Variants in PRR5 observed in about 807,000 individuals in gnomAD.
PRR5 encodes the protein proline rich 5.
Under a neutral mutation model 30.6 loss-of-function variants are expected in PRR5, and 25 were observed. The observed-to-expected ratio is 0.82, with a 90% CI of 0.60 to 1.14. The LOEUF (loss-of-function observed/expected upper bound fraction) is 1.14, where lower values mean the gene tolerates loss of function less well. Ranked by LOEUF, PRR5 falls within the 50% of genes most tolerant of loss-of-function variation. PRR5 has a pLI of 0.00. For synonymous variants in PRR5, 286 were observed against 247.1 expected (o/e 1.16, Z -1.48); for missense variants, 600 against 547.1 (o/e 1.10, Z -0.96).
rs201790517 is a variant in PRR5 at position 44,732,223 on chromosome 22, G to A, written c.415-28G>A. On this transcript the variant is annotated intron_variant, in intron 5 of 7. Transcript: ENST00000336985. Reference sequence around the variant, plus strand: ...GATGAGGACGCATGTGACCACAGCCGGTGGGGTGGGGTGCCTTCCGTCCAC... The same window carrying A: ...GATGAGGACGCATGTGACCACAGCCAGTGGGGTGGGGTGCCTTCCGTCCAC... 244 of 1,607,072 alleles carry A rather than the reference G, an allele frequency of 1.5e-4. 2 individuals are homozygous for A. Among genetic ancestry groups the A allele is most frequent in the Admixed American group, 4.5e-4 (27 of 59,936 alleles).
chr22:44,709,498 C>G lies in PRR5; in HGVS notation c.135-5093C>G, dbSNP rs1012309268. Among the ~76,000 whole-genome samples, 15 of 152,202 alleles carry G rather than the reference C, an allele frequency of 9.9e-5. No individual in the cohort carries two copies. In the East Asian group the frequency reaches 2.5e-3, roughly 26 times the overall value. On this transcript the variant is annotated intron_variant, in intron 1 of 7. Coordinates refer to ENST00000336985, the MANE Select transcript of PRR5 (RefSeq NM_181333.4). ...AGGCGGGGACAGGTATTTCTCCCCC[C>G]GCCCGAGCCTCCAGAAGGAACGGCC...
chr22:44,713,534 G>GA (rs1399597530), intron 1 of PRR5, among the ~76,000 whole-genome samples: 1 of 152,086 alleles, frequency 6.6e-6, no homozygotes, highest in African/African-American at 2.4e-5. Context: ...CACCTGGCCT[G>GA]GTTTTGGTTT....
chr22:44,683,815 C>T (rs1924500115), intron 1 of PRR5, among the ~76,000 whole-genome samples: 1 of 152,218 alleles, frequency 6.6e-6, no homozygotes, highest in African/African-American at 2.4e-5. Flanking sequence ...AGATGAGAAG[C>T]CTACTCGCGA....
chr22:44,714,695 C>A, intron 2 of PRR5, 24 bp downstream of exon 2: 1 of 1,613,194 alleles, frequency 6.2e-7, no homozygotes, highest in South Asian at 1.1e-5. Flanking sequence ...CCACCTTGGT[C>A]CAGGGTCCTT....
intron 1 of PRR5, among the ~76,000 whole-genome samples, chr22:44,712,694 T>C (rs915273921): frequency 6.6e-6 from 1 of 152,144 alleles, no homozygotes; most frequent in African/African-American, 2.4e-5. Context: ...AGCTGCCTGC[T>C]TTGTGGTGTG....
At chr22:44,731,987 C>A (rs1204954732) in intron 5 of PRR5, among the ~76,000 whole-genome samples, 166 bp downstream of exon 5, 1 of 152,224 alleles carries the variant, frequency 6.6e-6, no homozygotes, top group Non-Finnish European at 1.5e-5. Context: ...TCCACCCCTT[C>A]AAGCTGCAGA....
chr22:44,714,392 C>T (rs1398848682), intron 1 of PRR5, among the ~76,000 whole-genome samples, 199 bp from the exon 2 acceptor site: 3 of 152,148 alleles, frequency 2.0e-5, no homozygotes, highest in Non-Finnish European at 4.4e-5. Context: ...GACCAGAGGG[C>T]ATCTGGTGAT....
chr22:44,729,424 G>C, intron 4 of PRR5: 1 of 985,272 alleles, frequency 1.0e-6, no homozygotes, highest in Non-Finnish European at 1.2e-6. Flanking sequence ...AGGCTACTGC[G>C]GGGCCGCTCG....
In PRR5 at chr22:44,684,446, C is replaced by G. The variant is rs576568962; in HGVS notation, c.-11+7206C>G. On this transcript the variant is annotated intron_variant, in intron 1 of 8. Transcript: ENST00000006251. ...TGAGTAGTTCCAGCTACTCAGGAGG[C>G]TGAAGCAGGAAAATCACTTGAACCT... Among the ~76,000 whole-genome samples, 3 of 152,270 alleles carry G rather than the reference C, an allele frequency of 2.0e-5. No individual in the cohort carries two copies. In the East Asian group the frequency reaches 5.8e-4, roughly 29 times the overall value.
At chr22:44,674,968 G>T (rs1923643130), upstream of PRR5, among the ~76,000 whole-genome samples, 1 of 140,520 alleles carries the variant, frequency 7.1e-6, no homozygotes, top group Non-Finnish European at 1.5e-5. Context: ...AAAGAAAGAG[G>T]CTGGGCGCGG....
At chr22:44,714,493 G>T (rs1928748061) in intron 1 of PRR5, 98 bp from the exon 2 acceptor site, 2 of 1,501,014 alleles carry the variant, frequency 1.3e-6, no homozygotes, top group South Asian at 2.4e-5. Flanking sequence ...TGGCTATCCT[G>T]CCCTTCTAGG....
chr22:44,704,807 C>G (rs184311444), intron 1 of PRR5, among the ~76,000 whole-genome samples: 1 of 151,992 alleles, frequency 6.6e-6, no homozygotes, highest in East Asian at 1.9e-4. Context: ...GCAGAGCCTG[C>G]GCCCCAGCTC....
chr22:44,706,327 A>G (rs1386623276), intron 1 of PRR5, among the ~76,000 whole-genome samples: 1 of 152,182 alleles, frequency 6.6e-6, no homozygotes, highest in African/African-American at 2.4e-5. Flanking sequence ...TGCTCAGGGC[A>G]TAGATTCAGC....
chr22:44,722,639 C>T (rs774285960), intron 2 of PRR5, among the ~76,000 whole-genome samples: 1 of 152,228 alleles, frequency 6.6e-6, no homozygotes, highest in Non-Finnish European at 1.5e-5. Flanking sequence ...CCAAAAGGGC[C>T]TCTGAGGACT....
intron 1 of PRR5, among the ~76,000 whole-genome samples, chr22:44,687,823 G>T (rs1358238130): frequency 6.6e-6 from 1 of 152,084 alleles, no homozygotes; most frequent in Non-Finnish European, 1.5e-5. Flanking sequence ...CGCCCAGGCT[G>T]GAGTGCATTG....
intron 1 of PRR5, among the ~76,000 whole-genome samples, chr22:44,687,406 G>T (rs1924845692): frequency 2.0e-5 from 3 of 152,074 alleles, no homozygotes; most frequent in Non-Finnish European, 4.4e-5. Flanking sequence ...CACAGGCCTG[G>T]GGCCACTTTC....
At position 44,725,247 on chromosome 22, in the gene PRR5, G is replaced by A; in HGVS notation, c.219G>A (p.Gln73=). The A allele has an allele frequency of 1.2e-6, 2 of 1,613,910 alleles. No individual in the cohort carries two copies. The highest frequency in any genetic ancestry group is 1.7e-6 in the Non-Finnish European group (2 of 1,179,972). Residue 73 remains glutamine (Q), a synonymous_variant, in exon 3 of 8, where the codon CAG becomes CAA. Coordinates refer to ENST00000336985, the MANE Select transcript of PRR5 (RefSeq NM_181333.4). ...TTGTCTCACCTCCCACCCACAGGCAGCTGTTGAAGACAGAGCTGGGGTCCT... is the reference window on the plus strand; with the variant it reads ...TTGTCTCACCTCCCACCCACAGGCAACTGTTGAAGACAGAGCTGGGGTCCT... ...ELFSLNEGVR[Q]LLKTELGSFF...
chr22:44,733,582 G>T (rs556217734), intron 6 of PRR5, among the ~76,000 whole-genome samples: 6 of 152,264 alleles, frequency 3.9e-5, no homozygotes, highest in African/African-American at 1.4e-4. Flanking sequence ...CTGGGTTGAA[G>T]CGGGGACCCT....
At chr22:44,718,205 T>TG (rs1929398707) in intron 2 of PRR5, among the ~76,000 whole-genome samples, 6 of 145,122 alleles carry the variant, frequency 4.1e-5, no homozygotes, top group Admixed American at 2.1e-4. Context: ...TTTTTTTTTT[T>TG]TTTTTTTGAG....
Sources: allele counts gnomAD v4.1 joint callset (sites outside exome capture counted in the v4.1 genomes callset), GRCh38; gene constraint gnomAD v4.1.1; transcripts MANE v1.5; gene names NCBI Gene and HGNC (gene_info 2026-07-23, HGNC 2026-07-21).